GABRA3: variants seen among roughly 807,000 people sequenced by gnomAD.
The protein encoded by GABRA3 is gamma-aminobutyric acid receptor subunit alpha-3.
In GABRA3, 10 loss-of-function variants were observed where a neutral mutation model predicts 30.1. The observed-to-expected ratio is 0.33, with a 90% CI of 0.20 to 0.56. GABRA3 has a LOEUF of 0.56. Among genes scored for constraint, GABRA3 ranks in the 20% least tolerant of loss-of-function variants. The pLI is 0.89. For missense variants in GABRA3, 233 were observed against 392.0 expected, an observed-to-expected ratio of 0.59 and a Z score of 3.42; for synonymous variants, 151 against 146.8, an observed-to-expected ratio of 1.03 and a Z score of -0.21.
chrX:152,181,727 C>T (rs777377013), intron 9 of GABRA3, among the ~76,000 whole-genome samples: 9 of 109,308 alleles, frequency 8.2e-5, no homozygotes, highest in Admixed American at 3.0e-4. Context: ...TGCTAAATGA[C>T]GAGTTAATGG....
At chrX:152,378,793 G>A (rs1035113579) in intron 1 of GABRA3, among the ~76,000 whole-genome samples, 14 of 109,640 alleles carry the variant, frequency 1.3e-4, no homozygotes, top group Non-Finnish European at 2.5e-4. Flanking sequence ...TAACACATAA[G>A]AAAACAGAAA....
intron 4 of GABRA3, among the ~76,000 whole-genome samples, chrX:152,268,946 T>C (rs1048898617): frequency 6.2e-5 from 7 of 112,302 alleles, no homozygotes; most frequent in Admixed American, 2.8e-4. Context: ...TGTGTTTGTG[T>C]AGCTTAAAAT....
intron 1 of GABRA3, among the ~76,000 whole-genome samples, chrX:152,444,865 T>C (rs1931038519): frequency 1.1e-5 from 1 of 91,926 alleles, no homozygotes; most frequent in Non-Finnish European, 2.1e-5. Flanking sequence ...ATCGAGACCA[T>C]CCCGGCTAAA....
intron 9 of GABRA3, among the ~76,000 whole-genome samples, chrX:152,170,998 AT>A (rs753326752): frequency 8.9e-6 from 1 of 112,226 alleles, no homozygotes; most frequent in Non-Finnish European, 1.9e-5. Context: ...TAGCAAATTC[AT>A]TGTGTGAATA....
At chrX:152,315,970 GACC>G (rs1939869859) in intron 3 of GABRA3, among the ~76,000 whole-genome samples, 2 of 19,802 alleles carry the variant, frequency 1.0e-4, no homozygotes, top group African/African-American at 3.7e-4. Flanking sequence ...CCCGCCCCCC[GACC>G]CCCCCCCCCC....
chrX:152,395,482 T>C (rs993168435), intron 1 of GABRA3, among the ~76,000 whole-genome samples: 13 of 110,895 alleles, frequency 1.2e-4, no homozygotes, highest in African/African-American at 3.3e-4. Flanking sequence ...CCTTCAGGAG[T>C]GGTATCCATT....
chrX:152,290,670 A>G (rs148045224), intron 3 of GABRA3, among the ~76,000 whole-genome samples: 3,316 of 111,413 alleles, frequency 0.03, 100 homozygotes, highest in African/African-American at 0.1. Flanking sequence ...TTCTTTATTC[A>G]ATCTTGAATT....
At chrX:152,225,432 G>A (rs6627553) in intron 5 of GABRA3, among the ~76,000 whole-genome samples, 77 of 96,502 alleles carry the variant, frequency 8.0e-4, no homozygotes, top group African/African-American at 2.1e-3. Context: ...ACACACACAC[G>A]CACACACACA....
intron 7 of GABRA3, among the ~76,000 whole-genome samples, chrX:152,205,301 T>C (rs939825457): frequency 9.0e-6 from 1 of 111,564 alleles, no homozygotes; most frequent in African/African-American, 3.3e-5. Flanking sequence ...GAACAGCAGT[T>C]TGTCAATATG....
At chrX:152,347,270 T>A (rs1940405753) in intron 2 of GABRA3, among the ~76,000 whole-genome samples, 1 of 111,686 alleles carries the variant, frequency 9.0e-6, no homozygotes, top group African/African-American at 3.3e-5. Flanking sequence ...TGTCATTTAT[T>A]TGTGGGAGCT....
intron 4 of GABRA3, among the ~76,000 whole-genome samples, chrX:152,278,899 A>T (rs1400242929): frequency 3.6e-5 from 4 of 112,067 alleles, no homozygotes; most frequent in Non-Finnish European, 7.5e-5. Flanking sequence ...TTGGCTGCAT[A>T]AATGTCTTCT....
At position 152,189,780 on chromosome X, in the gene GABRA3, G is replaced by T; in HGVS notation, c.1093C>A (p.Arg365=). 1 of 1,209,673 alleles carries T rather than the reference G, an allele frequency of 8.3e-7. No homozygotes were observed. Reference sequence around the variant, plus strand: ...TTCTTGCCTTCCCAAGCCCAACTCCGCTTGGTGAAATAGTTGACAGTGGCA... The same window carrying T: ...TTCTTGCCTTCCCAAGCCCAACTCCTCTTGGTGAAATAGTTGACAGTGGCA... The part of the protein sequence containing the change: ...EFATVNYFTK[R]SWAWEGKKVP... Residue 365 remains arginine (R), a synonymous_variant, in exon 9 of 10, where the codon CGG becomes AGG. Transcript: ENST00000370314.
intron 5 of GABRA3, among the ~76,000 whole-genome samples, chrX:152,230,904 G>C (rs1041229653): frequency 3.6e-5 from 4 of 110,024 alleles, no homozygotes; most frequent in Admixed American, 9.9e-5. Flanking sequence ...GATTTCTTAG[G>C]TGTGACACCA....
intron 1 of GABRA3, among the ~76,000 whole-genome samples, chrX:152,412,849 A>T (rs888854578): frequency 6.3e-5 from 7 of 111,450 alleles, no homozygotes; most frequent in Admixed American, 4.8e-4. Flanking sequence ...AAAATGGTTT[A>T]AAAAAGAATA....
intron 3 of GABRA3, among the ~76,000 whole-genome samples, chrX:152,341,309 T>A (rs993543862): frequency 4.5e-5 from 5 of 111,230 alleles, no homozygotes; most frequent in African/African-American, 1.6e-4. Context: ...TCCGTATCTT[T>A]GCAATTGTGA....
chrX:152,272,722 C>T (rs765553670), intron 4 of GABRA3, among the ~76,000 whole-genome samples: 16 of 111,513 alleles, frequency 1.4e-4, no homozygotes, highest in African/African-American at 5.2e-4. Flanking sequence ...ATAATCCCCA[C>T]GTGTGGTGGG....
rs1196699850 is a variant in GABRA3, at chrX:152,448,544, G to A, written c.-27+2602C>T. 8.1e-5 allele frequency among the ~76,000 whole-genome samples: 9 copies of A among 111,222 alleles called. No homozygotes were observed. The Admixed American group carries it at 8.6e-4, about 11-fold the overall frequency. On this transcript the variant is annotated intron_variant, in intron 1 of 9. Coordinates refer to ENST00000370314, the MANE Select transcript of GABRA3 (RefSeq NM_000808.4). ...GGAATGGAACCCAAATTTGCTAACAGCCAAGTCAGTGTTCCATTCTAGCAA... is the reference window on the plus strand; with the variant it reads ...GGAATGGAACCCAAATTTGCTAACAACCAAGTCAGTGTTCCATTCTAGCAA...
At chrX:152,278,816 A>G (rs1939140840) in intron 4 of GABRA3, among the ~76,000 whole-genome samples, 1 of 111,912 alleles carries the variant, frequency 8.9e-6, no homozygotes, top group African/African-American at 3.3e-5. Flanking sequence ...CTGGTGTGAG[A>G]TGGTATCTCA....
At chrX:152,183,160 T>C (rs778431056) in intron 9 of GABRA3, among the ~76,000 whole-genome samples, 1 of 110,084 alleles carries the variant, frequency 9.1e-6, no homozygotes, top group African/African-American at 3.3e-5. Context: ...AAGTGCTCGG[T>C]AGAATTCAAC....
Sources: gnomAD v4.1 joint callset for allele counts (sites outside exome capture counted in the v4.1 genomes callset) on GRCh38, gnomAD v4.1.1 for gene constraint, MANE v1.5 for transcripts, NCBI Gene and HGNC (gene_info 2026-07-23, HGNC 2026-07-21) for gene names.